The following SUN3 variants were observed in gnomAD, a reference collection of about 807,000 sequenced individuals.
SUN3 encodes the protein Sad1 and UNC84 domain containing 3.
A neutral mutation model predicts 48.2 loss-of-function variants in SUN3; 36 were observed. The observed-to-expected ratio is 0.75, with a 90% CI of 0.57 to 0.99. The LOEUF is 0.99. SUN3 is among the 50% of genes least tolerant of loss of function. SUN3 has a pLI of 0.00. For missense variants in SUN3, 419 were observed against 433.1 expected (o/e 0.97, Z 0.29); for synonymous variants, 148 against 147.9 (o/e 1.00, Z 0.00).
rs1789203173 is a variant in SUN3, at chr7:47,996,080, T to C, written c.644A>G (p.His215Arg). ...YKNNKAKLYW[H>R]GIGFLNHEMP... The stretch of plus-strand genomic sequence containing the variant: ...TTCATGATTTAGGAAACCTATCCCA[T>C]GCCAGTACAATTTTGCTTTATTATT... Residue 215 changes from histidine (H) to arginine (R), a missense_variant, in exon 7 of 10, where the codon CAT becomes CGT. Coordinates refer to ENST00000297325, the MANE Select transcript of SUN3 (RefSeq NM_001030019.2). The C allele has an allele frequency of 1.9e-6, 3 of 1,596,968 alleles. No homozygotes were observed. The highest frequency in any genetic ancestry group is 2.6e-6 in the Non-Finnish European group (3 of 1,174,480).
In SUN3 at chr7:48,025,958, G is replaced by A. The variant is rs1790123561; in HGVS notation, c.123-20C>T. On this transcript the variant is annotated intron_variant, in intron 1 of 9. Transcript: ENST00000297325. ...GTTACCCTAAAAGAATAAAAACAATGATTAGAAAAAGAATTTAACAACATC... is the reference window on the plus strand; with the variant it reads ...GTTACCCTAAAAGAATAAAAACAATAATTAGAAAAAGAATTTAACAACATC... The A allele has an allele frequency of 1.9e-6, 3 of 1,544,374 alleles. No individual in the cohort carries two copies. Among genetic ancestry groups the A allele is most frequent in the South Asian group, 1.1e-5 (1 of 86,968 alleles).
chr7:48,028,897 A>T lies in SUN3; in HGVS notation c.42T>A (p.Phe14Leu). 6.2e-7 allele frequency: 1 copy of T among 1,613,956 alleles called. No homozygotes were observed. The highest frequency in any genetic ancestry group is 1.1e-5 in the South Asian group (1 of 91,066). Residue 14 changes from phenylalanine (F) to leucine (L), a missense_variant, in exon 1 of 10, where the codon TTT becomes TTA. By Grantham distance (22) the Phe-to-Leu change is conservative (BLOSUM62 0). Transcript: ENST00000297325. The part of the protein sequence containing the change: ...KTKARRAAMF[F>L]RRCSEDASGS... ...CGCTGGCGTCTTCAGAGCAACGTCT[A>T]AAAAACATGGCAGCCCTTCTTGCCT...
At position 48,028,918 on chromosome 7, in the gene SUN3, T is replaced by C. The variant is rs1562617143; in HGVS notation, c.21A>G (p.Ala7=). The change falls in exon 1 of 10, where the codon GCA becomes GCG. Residue 7 remains alanine (A), a synonymous_variant. Coordinates refer to ENST00000297325, the MANE Select transcript of SUN3 (RefSeq NM_001030019.2). MSGKTK[A]RRAAMFFRRC... Reference sequence around the variant, plus strand: ...GTCTAAAAAACATGGCAGCCCTTCTTGCCTTTGTTTTTCCACTCATGATCC... The same window carrying C: ...GTCTAAAAAACATGGCAGCCCTTCTCGCCTTTGTTTTTCCACTCATGATCC... 6.2e-7 allele frequency: 1 copy of C among 1,613,952 alleles called. No individual in the cohort carries two copies. Among genetic ancestry groups the C allele is most frequent in the East Asian group, 2.2e-5 (1 of 44,874 alleles).
chr7:48,003,130 G>T (rs1372627973), intron 6 of SUN3, among the ~76,000 whole-genome samples: 2 of 151,928 alleles, frequency 1.3e-5, no homozygotes, highest in Non-Finnish European at 2.9e-5. Flanking sequence ...TCAGTCTTCT[G>T]CATATGGCTA....
At chr7:48,025,978 A>G (rs1790123870) in intron 1 of SUN3, 40 bp from the exon 2 acceptor site, 1 of 1,394,600 alleles carries the variant, frequency 7.2e-7, no homozygotes, top group Non-Finnish European at 1.0e-6. Context: ...AGAATTTAAC[A>G]ACATCATGCA....
At position 48,019,211 on chromosome 7, in the gene SUN3, T is replaced by C. The variant is rs915143363; in HGVS notation, c.185-1846A>G. Among the ~76,000 whole-genome samples the C allele has an allele frequency of 5.9e-5, 9 of 151,880 alleles. No homozygotes were observed. In the South Asian group the frequency reaches 1.9e-3, roughly 32 times the overall value. On this transcript the variant is annotated intron_variant, in intron 2 of 9. Coordinates refer to ENST00000297325, the MANE Select transcript of SUN3 (RefSeq NM_001030019.2). ...ACCATGAAGTGGATCAACATATGCA[T>C]TGTGGCAGTCTCAGAAAGAGGAGAG...
intron 6 of SUN3, among the ~76,000 whole-genome samples, chr7:48,003,297 C>T (rs75067236): frequency 1.5e-3 from 229 of 152,232 alleles, no homozygotes; most frequent in African/African-American, 5.4e-3. Flanking sequence ...TGTACCAGTA[C>T]CATGCTGTTT....
Position 47,987,457 on chromosome 7 carries a change from TAAAGA to T in SUN3, c.955-13_955-9del, listed in dbSNP as rs761084019. 6.9e-5 allele frequency: 107 copies of T among 1,549,076 alleles called. No individual in the cohort carries two copies. The African/African-American group carries it at 1.4e-3, about 20-fold the overall frequency. Reference sequence around the variant, plus strand: ...ATATTCAGAAACTGCATGCTGAAAATAAAGAAAAGAAAATCAATGCCTTATAACGA... The same window carrying T: ...ATATTCAGAAACTGCATGCTGAAAATAAAGAAAATCAATGCCTTATAACGA... On this transcript the variant is annotated splice_polypyrimidine_tract_variant and intron_variant, in intron 9 of 9. Transcript: ENST00000297325.
chr7:48,025,942 A>G lies in SUN3; in HGVS notation c.123-4T>C. Reference sequence around the variant, plus strand: ...AATCTTCCATGATCGAGTTACCCTAAAAGAATAAAAACAATGATTAGAAAA... The same window carrying G: ...AATCTTCCATGATCGAGTTACCCTAGAAGAATAAAAACAATGATTAGAAAA... On this transcript the variant is annotated splice_region_variant and splice_polypyrimidine_tract_variant and intron_variant, in intron 1 of 9. Transcript: ENST00000297325. 20 of 1,581,690 alleles carry G rather than the reference A, an allele frequency of 1.3e-5. No homozygotes were observed. The highest frequency in any genetic ancestry group is 1.7e-5 in the Non-Finnish European group (20 of 1,155,818).
upstream of SUN3, among the ~76,000 whole-genome samples, chr7:48,029,781 C>T (rs76422821): frequency 0.027 from 4,055 of 152,238 alleles, 175 homozygotes; most frequent in African/African-American, 0.09. Flanking sequence ...ATAAATTCTA[C>T]GATGACAGTC....
chr7:48,016,315 T>C (rs1482529472), intron 3 of SUN3, among the ~76,000 whole-genome samples: 1 of 152,192 alleles, frequency 6.6e-6, no homozygotes, highest in Non-Finnish European at 1.5e-5. Flanking sequence ...GGGACACTAA[T>C]TTGAGTAATA....
chr7:47,992,471 T>C (rs1278822189), intron 8 of SUN3, among the ~76,000 whole-genome samples: 1 of 152,282 alleles, frequency 6.6e-6, no homozygotes, highest in East Asian at 1.9e-4. Flanking sequence ...ACAGCAGGAA[T>C]GAAAATTTCC....
intron 7 of SUN3, among the ~76,000 whole-genome samples, 161 bp from the exon 8 acceptor site, chr7:47,994,643 T>C (rs1034150695): frequency 1.3e-5 from 2 of 152,266 alleles, no homozygotes; most frequent in African/African-American, 4.8e-5. Flanking sequence ...GAGCACTGTA[T>C]GCTTATATCA....
At chr7:48,019,271 A>G (rs1371171132) in intron 2 of SUN3, among the ~76,000 whole-genome samples, 4 of 152,120 alleles carry the variant, frequency 2.6e-5, no homozygotes, top group Admixed American at 2.6e-4. Context: ...GAAGAAATAA[A>G]TAAAACCTAT....
rs1003071140 is a variant in SUN3, at chr7:48,007,027, A to G, written c.492+138T>C. 1.0e-5 allele frequency: 8 copies of G among 789,488 alleles called. No homozygotes were observed. In the African/African-American group the frequency reaches 1.2e-4, roughly 12 times the overall value. The allele number at this position is 789,488 out of a possible 1,614,324, so 48.9% of individuals were successfully genotyped here. ...CACTGGGTTTCTGTACACAAACCAAATATCAGTCAACACTGGACTTCCCAC... is the reference window on the plus strand; with the variant it reads ...CACTGGGTTTCTGTACACAAACCAAGTATCAGTCAACACTGGACTTCCCAC... On this transcript the variant is annotated intron_variant, in intron 5 of 9. Coordinates refer to ENST00000297325, the MANE Select transcript of SUN3 (RefSeq NM_001030019.2).
At chr7:48,024,584 T>C (rs1048095591) in intron 2 of SUN3, among the ~76,000 whole-genome samples, 1 of 151,918 alleles carries the variant, frequency 6.6e-6, no homozygotes, top group African/African-American at 2.4e-5. Context: ...ATATCTGAGG[T>C]TGGGTAATTT....
chr7:48,023,481 T>C (rs983012136), intron 2 of SUN3, among the ~76,000 whole-genome samples: 1 of 151,528 alleles, frequency 6.6e-6, no homozygotes, highest in African/African-American at 2.4e-5. Context: ...ACAAAGCAAT[T>C]AAACACAAAA....
chr7:48,001,964 G>C (rs1789390330), intron 6 of SUN3, among the ~76,000 whole-genome samples: 3 of 152,066 alleles, frequency 2.0e-5, no homozygotes, highest in Admixed American at 2.0e-4. Flanking sequence ...TGGTATTTTT[G>C]TCTTTAGGTC....
chr7:48,035,322 G>T, the SUN3 span, among the ~76,000 whole-genome samples: 1 of 152,112 alleles, frequency 6.6e-6, no homozygotes, highest in Admixed American at 6.5e-5. The surrounding 1 kb of genome is among the most constrained non-coding windows in gnomAD (Gnocchi z 4.0). Flanking sequence ...GTCCCGCCCG[G>T]TTCCCCGTGG....
Sources: gnomAD v4.1 joint callset for allele counts (sites outside exome capture counted in the v4.1 genomes callset) on GRCh38, gnomAD v4.1.1 for gene constraint, Gnocchi (gnomAD v3.1) non-coding constraint, MANE v1.5 for transcripts, NCBI Gene and HGNC (gene_info 2026-07-23, HGNC 2026-07-21) for gene names.